Variants in FAM210A observed in about 807,000 individuals in gnomAD.
FAM210A encodes mitochondrial inner membrane scaffold 1.
In FAM210A, 13 loss-of-function variants were observed where a neutral mutation model predicts 25.3. That is an observed-to-expected ratio of 0.51 (90% CI 0.33 to 0.82). FAM210A has a LOEUF of 0.82. Among genes scored for constraint, FAM210A ranks in the 40% least tolerant of loss-of-function variants. The pLI is 0.02. For synonymous variants in FAM210A, 125 were observed against 118.7 expected (o/e 1.05, Z -0.35); for missense variants, 319 against 323.2 (o/e 0.99, Z 0.10).
intron 1 of FAM210A, among the ~76,000 whole-genome samples, chr18:13,682,738 G>A (rs2043566358): frequency 6.6e-6 from 1 of 152,136 alleles, no homozygotes; most frequent in African/African-American, 2.4e-5. Flanking sequence ...GAATGGTGGT[G>A]TGTGCCTGTA....
intron 1 of FAM210A, among the ~76,000 whole-genome samples, chr18:13,704,738 TAATA>T (rs1377826305): frequency 2.6e-5 from 4 of 152,196 alleles, no homozygotes; most frequent in African/African-American, 9.7e-5. Flanking sequence ...TAGTGAATGT[TAATA>T]TATATTCCAA....
At chr18:13,722,331 A>G (rs2043903699) in intron 1 of FAM210A, among the ~76,000 whole-genome samples, 1 of 150,910 alleles carries the variant, frequency 6.6e-6, no homozygotes, top group South Asian at 2.1e-4. Context: ...GCAGCTAAGG[A>G]CCCCCAGTCA....
At position 13,665,402 on chromosome 18, in the gene FAM210A, A is replaced by AAAAAAAAAAAAAAAAAAAAAAC; in HGVS notation, c.*1077_*1078insGTTTTTTTTTTTTTTTTTTTTT. On this transcript the variant is annotated 3_prime_UTR_variant, in exon 4 of 4. Coordinates refer to ENST00000651643, the MANE Select transcript of FAM210A (RefSeq NM_152352.4). ...GTCTCAAAAAAAAAAAAAAAAAAAA[A>AAAAAAAAAAAAAAAAAAAAAAC]AAAAATCAAGTAGAATGCTCAAACA... The AAAAAAAAAAAAAAAAAAAAAAC allele has an allele frequency of 1.3e-5, 2 of 149,310 alleles. No individual in the cohort carries two copies. Among genetic ancestry groups the AAAAAAAAAAAAAAAAAAAAAAC allele is most frequent in the Non-Finnish European group, 3.0e-5 (2 of 67,718 alleles). The allele number at this position is 149,310 out of a possible 1,614,324, so 9.2% of individuals were successfully genotyped here.
At chr18:13,675,527 C>T (rs61245775) in intron 2 of FAM210A, among the ~76,000 whole-genome samples, 9 of 68,198 alleles carry the variant, frequency 1.3e-4, no homozygotes, top group East Asian at 4.9e-4. Flanking sequence ...GAGCCCTGGC[C>T]TCTTTATTTC....
In FAM210A at chr18:13,705,559, C is replaced by T. The variant is rs143698286; in HGVS notation, c.-29+20770G>A. On this transcript the variant is annotated intron_variant, in intron 1 of 3. Transcript: ENST00000651643. ...TGATCTCGGCCCACTGCAACCTCTG[C>T]CTTCCGGGTTCAAGCAATTCTCCTG... is the stretch of plus-strand genomic sequence containing the variant. Among the ~76,000 whole-genome samples the T allele has an allele frequency of 6.7e-3, 1,019 of 152,250 alleles. 17 individuals are homozygous for T. Among genetic ancestry groups the T allele is most frequent in the African/African-American group, 0.023 (968 of 41,524 alleles).
chr18:13,671,441 T>C (rs1402104008), intron 3 of FAM210A, among the ~76,000 whole-genome samples: 2 of 152,196 alleles, frequency 1.3e-5, no homozygotes, highest in African/African-American at 4.8e-5. Flanking sequence ...AGATGACTAC[T>C]ACCATGGAAA....
At position 13,671,988 on chromosome 18, in the gene FAM210A, A is replaced by G. The variant is rs750761325; in HGVS notation, c.474-15T>C. On this transcript the variant is annotated splice_polypyrimidine_tract_variant and intron_variant, in intron 2 of 3. Coordinates refer to ENST00000651643, the MANE Select transcript of FAM210A (RefSeq NM_152352.4). ...CATTCACTCCTCTACAAAAAAAAAA[A>G]AGTAATTTTCATATGTACAAACTTT... is the stretch of plus-strand genomic sequence containing the variant. 6 of 1,548,088 alleles carry G rather than the reference A, an allele frequency of 3.9e-6. No individual in the cohort carries two copies. Among genetic ancestry groups the G allele is most frequent in the Middle Eastern group, 3.4e-4 (2 of 5,862 alleles).
At position 13,709,453 on chromosome 18, in the gene FAM210A, C is replaced by A. The variant is rs148856521; in HGVS notation, c.-29+16876G>T. 6.6e-4 allele frequency among the ~76,000 whole-genome samples: 100 copies of A among 152,322 alleles called. 1 individual carries two copies. The highest frequency in any genetic ancestry group is 2.3e-3 in the African/African-American group (95 of 41,554). Reference sequence around the variant, plus strand: ...AGTCATTCTCCAGATACCTACATGGCCAACTGCTTCGCCTCCTGGAAGCCT... The same window carrying A: ...AGTCATTCTCCAGATACCTACATGGACAACTGCTTCGCCTCCTGGAAGCCT... On this transcript the variant is annotated intron_variant, in intron 1 of 3. Transcript: ENST00000651643.
intron 1 of FAM210A, among the ~76,000 whole-genome samples, chr18:13,713,115 A>G (rs1281110080): frequency 6.6e-6 from 1 of 152,248 alleles, no homozygotes; most frequent in African/African-American, 2.4e-5. Flanking sequence ...CTATACATCT[A>G]TAAGAAGGCC....
At chr18:13,677,268 G>A (rs1321209572) in intron 2 of FAM210A, among the ~76,000 whole-genome samples, 1 of 152,076 alleles carries the variant, frequency 6.6e-6, no homozygotes, top group Non-Finnish European at 1.5e-5. Flanking sequence ...TAGAGACAGG[G>A]TTTCACCATG....
At position 13,681,765 on chromosome 18, in the gene FAM210A, T is replaced by C; in HGVS notation, c.313A>G (p.Thr105Ala). The C allele has an allele frequency of 6.2e-7, 1 of 1,614,084 alleles. No homozygotes were observed. The highest frequency in any genetic ancestry group is 8.5e-7 in the Non-Finnish European group (1 of 1,180,008). Residue 105 changes from threonine to alanine, a missense_variant, in exon 2 of 4, where the codon ACT becomes GCT. Physicochemically the swap from Thr to Ala is moderately conservative, Grantham distance 58. Transcript: ENST00000651643. ...VFSSSATAQG[T>A]PEKKEEPDPL... Reference sequence around the variant, plus strand: ...TCAGGCTCTTCCTTTTTTTCCGGAGTTCCCTGAGCTGTGGCACTGGATGAA... The same window carrying C: ...TCAGGCTCTTCCTTTTTTTCCGGAGCTCCCTGAGCTGTGGCACTGGATGAA...
At chr18:13,721,499 C>G (rs1288081834) in intron 1 of FAM210A, among the ~76,000 whole-genome samples, 2 of 152,174 alleles carry the variant, frequency 1.3e-5, no homozygotes, top group African/African-American at 2.4e-5. Context: ...TAAGTGCACT[C>G]ATCTCTGCAA....
chr18:13,706,172 T>C (rs1044214449), intron 1 of FAM210A, among the ~76,000 whole-genome samples: 7 of 152,172 alleles, frequency 4.6e-5, no homozygotes, highest in Non-Finnish European at 8.8e-5. Flanking sequence ...CTTGGAACTG[T>C]ACACCCACTG....
At chr18:13,720,678 G>A (rs920458359) in intron 1 of FAM210A, among the ~76,000 whole-genome samples, 2 of 152,234 alleles carry the variant, frequency 1.3e-5, no homozygotes. Context: ...TTTTGTGGAA[G>A]GGAAGCACAA....
chr18:13,700,705 A>G (rs138291027), intron 1 of FAM210A, among the ~76,000 whole-genome samples: 1 of 152,326 alleles, frequency 6.6e-6, no homozygotes, highest in African/African-American at 2.4e-5. Context: ...AATATGGCCT[A>G]AGAAGGACTC....
At chr18:13,675,029 C>T (rs2149053502) in intron 2 of FAM210A, among the ~76,000 whole-genome samples, 1 of 129,808 alleles carries the variant, frequency 7.7e-6, no homozygotes, top group South Asian at 2.7e-4. Context: ...TGAGCCCTGG[C>T]TTCTTTATTT....
intron 1 of FAM210A, among the ~76,000 whole-genome samples, chr18:13,708,097 C>G (rs1426575816): frequency 2.6e-5 from 4 of 152,220 alleles, no homozygotes; most frequent in Non-Finnish European, 5.9e-5. Context: ...TGAACTCTTT[C>G]TCTGCTGCGG....
chr18:13,721,776 A>T (rs1463050918), intron 1 of FAM210A, among the ~76,000 whole-genome samples: 1 of 152,062 alleles, frequency 6.6e-6, no homozygotes, highest in East Asian at 1.9e-4. Context: ...ACAAGTCCCT[A>T]CTCTGAATGG....
At chr18:13,677,526 A>G (rs1018357430) in intron 2 of FAM210A, among the ~76,000 whole-genome samples, 2 of 152,344 alleles carry the variant, frequency 1.3e-5, no homozygotes, top group African/African-American at 4.8e-5. Context: ...AGGGATTTTC[A>G]CAGTGCTTTT....
Sources: gnomAD v4.1 joint callset for allele counts (sites outside exome capture counted in the v4.1 genomes callset) on GRCh38, gnomAD v4.1.1 for gene constraint, MANE v1.5 for transcripts, NCBI Gene and HGNC (gene_info 2026-07-23, HGNC 2026-07-21) for gene names.